Variants in ITGA2 observed in about 807,000 individuals in gnomAD.
ITGA2 encodes integrin subunit alpha 2.
A neutral mutation model predicts 146.3 loss-of-function variants in ITGA2; 101 were observed. The observed-to-expected ratio is 0.69, with a 90% CI of 0.59 to 0.81. ITGA2 has a LOEUF of 0.81. ITGA2 is among the 40% of genes least tolerant of loss of function. The probability of loss-of-function intolerance (pLI) is 0.00; values close to 1 mark genes in which losing one functional copy is unlikely to be tolerated. For synonymous variants in ITGA2, 477 were observed against 487.1 expected, an observed-to-expected ratio of 0.98 and a Z score of 0.27; for missense variants, 1,281 against 1,402.7, an observed-to-expected ratio of 0.91 and a Z score of 1.39.
chr5:53,091,857 T>G lies in ITGA2; in HGVS notation c.*1258T>G, dbSNP rs896000266. Reference sequence around the variant, plus strand: ...TGTAAACAATGTAAAGTAAGACATCTCAGGATTTCACCAGAAGTTACAGAT... The same window carrying G: ...TGTAAACAATGTAAAGTAAGACATCGCAGGATTTCACCAGAAGTTACAGAT... On this transcript the variant is annotated 3_prime_UTR_variant, in exon 30 of 30. Transcript: ENST00000296585. The G allele has an allele frequency of 6.6e-6, 1 of 152,194 alleles. No homozygotes were observed. Among genetic ancestry groups the G allele is most frequent in the Non-Finnish European group, 1.5e-5 (1 of 68,034 alleles). 9.4% of individuals were successfully genotyped at this position (152,194 alleles called of 1,614,324 possible).
chr5:53,079,234 T>C (rs1745801291), intron 24 of ITGA2, among the ~76,000 whole-genome samples: 1 of 152,136 alleles, frequency 6.6e-6, no homozygotes. Flanking sequence ...GGATACTTGA[T>C]ATATTTTGAA....
rs749773463 is a variant in ITGA2 at position 53,090,505 on chromosome 5, C to A, written c.3466-14C>A. 6.2e-7 allele frequency: 1 copy of A among 1,612,166 alleles called. No homozygotes were observed. Among genetic ancestry groups the A allele is most frequent in the South Asian group, 1.1e-5 (1 of 90,998 alleles). On this transcript the variant is annotated splice_polypyrimidine_tract_variant and intron_variant, in intron 29 of 29. Transcript: ENST00000296585. ...GCCACGGGTGGTAACATTCTTATATCATCACCTTTACAGCTCGGCTTCTTC... is the reference window on the plus strand; with the variant it reads ...GCCACGGGTGGTAACATTCTTATATAATCACCTTTACAGCTCGGCTTCTTC...
At chr5:53,042,083 T>G (rs1292701426) in intron 2 of ITGA2, 29 bp from the exon 3 acceptor site, 1 of 1,289,886 alleles carries the variant, frequency 7.8e-7, no homozygotes, top group Admixed American at 1.7e-5. Flanking sequence ...CTTAACACTT[T>G]GTGTCTAATA....
At position 53,093,042 on chromosome 5, in the gene ITGA2, T is replaced by A. The variant is rs1161270556; in HGVS notation, c.*2443T>A. On this transcript the variant is annotated 3_prime_UTR_variant, in exon 30 of 30. Coordinates refer to ENST00000296585, the MANE Select transcript of ITGA2 (RefSeq NM_002203.4). The stretch of plus-strand genomic sequence containing the variant: ...ATCACTTGAACCCGGGAGGCAGAGG[T>A]TTCAGTGAGCCGAGATCGCGCCACT... The A allele has an allele frequency of 6.6e-6, 1 of 151,946 alleles. No homozygotes were observed. Among genetic ancestry groups the A allele is most frequent in the Admixed American group, 6.6e-5 (1 of 15,240 alleles). 9.4% of individuals were successfully genotyped at this position (151,946 alleles called of 1,614,324 possible).
intron 1 of ITGA2, among the ~76,000 whole-genome samples, chr5:53,020,767 C>T (rs1050672171): frequency 4.6e-5 from 7 of 151,544 alleles, no homozygotes; most frequent in African/African-American, 9.7e-5. Flanking sequence ...CTGCAACCTC[C>T]GCCTTCCGGG....
At chr5:53,038,451 A>G (rs931225442) in intron 2 of ITGA2, among the ~76,000 whole-genome samples, 1 of 152,118 alleles carries the variant, frequency 6.6e-6, no homozygotes, top group African/African-American at 2.4e-5. Context: ...CCTAGGCCCC[A>G]CAGTATGGAT....
intron 24 of ITGA2, among the ~76,000 whole-genome samples, chr5:53,080,070 TCA>T (rs1333902526): frequency 6.6e-6 from 1 of 152,176 alleles, no homozygotes; most frequent in Non-Finnish European, 1.5e-5. Flanking sequence ...ACACTGCTAA[TCA>T]GCAGCAGACT....
Position 53,093,966 on chromosome 5 carries a change from T to TC in ITGA2, c.*3367_*3368insC, listed in dbSNP as rs535651515. 7.0e-4 allele frequency: 76 copies of TC among 108,288 alleles called. 1 individual carries two copies. The highest frequency in any genetic ancestry group is 2.8e-3 in the African/African-American group (74 of 26,756). 6.7% of individuals were successfully genotyped at this position (108,288 alleles called of 1,614,324 possible). A position where few individuals can be genotyped will look rare whatever the true frequency, so the allele number is the denominator to read the frequency against. Reference sequence around the variant, plus strand: ...TTATTCTTGTAAAATAGTTACCTATTAAAACTGTGAAGAGTAAAACTAAAG... The same window carrying TC: ...TTATTCTTGTAAAATAGTTACCTATTCAAAACTGTGAAGAGTAAAACTAAAG... On this transcript the variant is annotated 3_prime_UTR_variant, in exon 30 of 30. Coordinates refer to ENST00000296585, the MANE Select transcript of ITGA2 (RefSeq NM_002203.4).
At chr5:53,037,237 A>G (rs1436261228) in intron 2 of ITGA2, among the ~76,000 whole-genome samples, 1 of 152,250 alleles carries the variant, frequency 6.6e-6, no homozygotes, top group Non-Finnish European at 1.5e-5. Flanking sequence ...AGATAATTGA[A>G]CAGTAAGTGT....
chr5:53,013,378 T>C (rs1429421542), intron 1 of ITGA2, among the ~76,000 whole-genome samples: 1 of 151,732 alleles, frequency 6.6e-6, no homozygotes, highest in East Asian at 1.9e-4. Flanking sequence ...TTCTTTCTTT[T>C]TTTTTTTTTG....
At chr5:53,067,301 C>G (rs1303640126) in intron 16 of ITGA2, 44 bp downstream of exon 16, 17 of 1,607,718 alleles carry the variant, frequency 1.1e-5, no homozygotes, top group Non-Finnish European at 1.4e-5. Context: ...GGTTGGCTTA[C>G]AGAGTTTTAG....
chr5:53,006,406 G>T (rs1741852038), intron 1 of ITGA2, among the ~76,000 whole-genome samples: 1 of 152,134 alleles, frequency 6.6e-6, no homozygotes, highest in South Asian at 2.1e-4. Context: ...GTGTTTATTT[G>T]CATGAACATA....
At chr5:53,083,217 G>A in intron 26 of ITGA2, 123 bp from the exon 27 acceptor site, 1 of 695,042 alleles carries the variant, frequency 1.4e-6, no homozygotes, top group Non-Finnish European at 2.6e-6. Context: ...AATAGCTCAT[G>A]AGATTGCCTG....
intron 1 of ITGA2, among the ~76,000 whole-genome samples, chr5:53,007,040 T>C (rs1741892907): frequency 6.6e-6 from 1 of 152,112 alleles, no homozygotes; most frequent in Non-Finnish European, 1.5e-5. Flanking sequence ...TTTTCCTAAC[T>C]ACGAATAATG....
intron 1 of ITGA2, among the ~76,000 whole-genome samples, chr5:53,017,621 C>A (rs901822793): frequency 6.6e-6 from 1 of 152,166 alleles, no homozygotes; most frequent in Non-Finnish European, 1.5e-5. Flanking sequence ...TGGGGTGGGG[C>A]TCCAGAAGGA....
At chr5:53,081,527 A>C in intron 25 of ITGA2, 65 bp from the exon 26 acceptor site, 1 of 1,251,150 alleles carries the variant, frequency 8.0e-7, no homozygotes, top group South Asian at 1.3e-5. Context: ...ATTTCCTAAC[A>C]TGTTGAAAGG....
chr5:53,072,153 T>C (rs1021024643), intron 18 of ITGA2, 105 bp downstream of exon 18: 1 of 805,962 alleles, frequency 1.2e-6, no homozygotes, highest in Admixed American at 2.0e-5. Context: ...AAATTCTTAA[T>C]TTTCTAAATG....
In ITGA2 at chr5:53,090,618, A is replaced by G; in HGVS notation, c.*19A>G. ...TAGCTGAACCAGCAGACCTACCTGC[A>G]GTGGGAACCGGCAGCATCCCAGCCA... On this transcript the variant is annotated 3_prime_UTR_variant, in exon 30 of 30. Coordinates refer to ENST00000296585, the MANE Select transcript of ITGA2 (RefSeq NM_002203.4). 6.3e-7 allele frequency: 1 copy of G among 1,596,974 alleles called. No homozygotes were observed. The highest frequency in any genetic ancestry group is 1.1e-5 in the South Asian group (1 of 90,724).
chr5:53,048,389 A>G lies in ITGA2; in HGVS notation c.414A>G (p.Gln138=). The change falls in exon 5 of 30, where the codon CAA becomes CAG. Residue 138 remains glutamine, a synonymous_variant. Transcript: ENST00000296585. ...FLTCGPLWAQ[Q]CGNQYYTTGV... ...CATGTGGTCCTCTGTGGGCACAGCA[A>G]TGTGGGAATCAGTATTACACAACGG... The G allele has an allele frequency of 3.1e-6, 5 of 1,614,100 alleles. No homozygotes were observed. Among genetic ancestry groups the G allele is most frequent in the Non-Finnish European group, 3.4e-6 (4 of 1,179,948 alleles).
Sources: gnomAD v4.1 joint callset for allele counts (sites outside exome capture counted in the v4.1 genomes callset) on GRCh38, gnomAD v4.1.1 for gene constraint, MANE v1.5 for transcripts, NCBI Gene and HGNC (gene_info 2026-07-23, HGNC 2026-07-21) for gene names.